Variants in TCERG1 observed in about 807,000 individuals in gnomAD.
TCERG1 encodes TATA box binding protein (TBP)-associated factor, RNA polymerase II, S, 150kD.
TCERG1 carries 37 observed loss-of-function variants against 144.7 expected under a neutral mutation model. The observed-to-expected ratio is 0.26, with a 90% CI of 0.20 to 0.34. TCERG1 has a LOEUF of 0.34. Among genes scored for constraint, TCERG1 ranks in the 10% least tolerant of loss-of-function variants. TCERG1 has a pLI of 1.00. For synonymous variants in TCERG1, 492 were observed against 458.2 expected, an observed-to-expected ratio of 1.07 and a Z score of -0.94; for missense variants, 1,027 against 1,380.7, an observed-to-expected ratio of 0.74 and a Z score of 4.06.
chr5:146,453,617 G>C (rs1274177151), intron 1 of TCERG1, among the ~76,000 whole-genome samples: 1 of 152,108 alleles, frequency 6.6e-6, no homozygotes, highest in Non-Finnish European at 1.5e-5. Context: ...CCTCCTGTTA[G>C]TACAGAATCC....
rs1761959928 is a variant in TCERG1 at position 146,447,485 on chromosome 5, A to G, written c.59+77A>G. On this transcript the variant is annotated intron_variant, in intron 1 of 22. Transcript: ENST00000679501. ...TAGACGCTAGACCTGCCATGTGGAG[A>G]TCCGGGGCGGACGGTGGGTAGCGGA... The G allele has an allele frequency of 2.7e-5, 42 of 1,535,940 alleles. No homozygotes were observed. The South Asian group carries it at 4.8e-4, about 17-fold the overall frequency.
chr5:146,495,356 C>T (rs1766792559), intron 16 of TCERG1, among the ~76,000 whole-genome samples: 1 of 152,128 alleles, frequency 6.6e-6, no homozygotes, highest in African/African-American at 2.4e-5. Flanking sequence ...TTGGGATGCC[C>T]AACCTGTAGT....
Position 146,489,789 on chromosome 5 carries a change from A to G in TCERG1, c.2164-3131A>G, listed in dbSNP as rs1051354649. 7.2e-5 allele frequency among the ~76,000 whole-genome samples: 11 copies of G among 152,310 alleles called. 1 individual carries two copies. The East Asian group carries it at 2.1e-3, about 29-fold the overall frequency. ...AAAATTTACTCATTTTCATTGTATTATGAAATTTTGTTCATGAGTTGAAGT... is the reference window on the plus strand; with the variant it reads ...AAAATTTACTCATTTTCATTGTATTGTGAAATTTTGTTCATGAGTTGAAGT... On this transcript the variant is annotated intron_variant, in intron 15 of 22. Transcript: ENST00000679501.
chr5:146,509,966 A>G, intron 22 of TCERG1: 2 of 1,080,930 alleles, frequency 1.9e-6, no homozygotes, highest in East Asian at 5.9e-5. Flanking sequence ...GTTTTTAGAT[A>G]TTTTGTCATT....
At position 146,454,900 on chromosome 5, in the gene TCERG1, T is replaced by C. The variant is rs578073242; in HGVS notation, c.60-156T>C. ...GATGTGAGCCACTGCACCCGGCCCA[T>C]TGATGTAGTTTTTATCATGACGGTT... On this transcript the variant is annotated intron_variant, in intron 1 of 22. Transcript: ENST00000679501. Among the ~76,000 whole-genome samples, 147 of 152,284 alleles carry C rather than the reference T, an allele frequency of 9.7e-4. 1 individual carries two copies. The highest frequency in any genetic ancestry group is 3.7e-4 in the Non-Finnish European group (25 of 68,024).
At chr5:146,472,662 A>ATTAGT (rs1764435666) in intron 9 of TCERG1, among the ~76,000 whole-genome samples, 2 of 150,624 alleles carry the variant, frequency 1.3e-5, no homozygotes, top group Admixed American at 1.3e-4. Context: ...AATGCCCTCA[A>ATTAGT]AGTGTTCAAG....
intron 9 of TCERG1, among the ~76,000 whole-genome samples, chr5:146,473,641 C>A (rs1280812368): frequency 6.6e-6 from 1 of 152,150 alleles, no homozygotes; most frequent in Non-Finnish European, 1.5e-5. Context: ...GAAGCCACTG[C>A]TCATTTACCA....
At position 146,477,718 on chromosome 5, in the gene TCERG1, G is replaced by A. The variant is rs1250610922; in HGVS notation, c.1602-775G>A. 1.6e-4 allele frequency among the ~76,000 whole-genome samples: 16 copies of A among 100,970 alleles called. No individual in the cohort carries two copies. The Admixed American group carries it at 1.9e-3, about 12-fold the overall frequency. 66.2% of individuals were successfully genotyped at this position (100,970 alleles called of 152,430 possible). Reference sequence around the variant, plus strand: ...TTTTTTTTTTTTTTTTTTTTTTTGAGACTGGGTCTCACTTTATTGCTCAGG... The same window carrying A: ...TTTTTTTTTTTTTTTTTTTTTTTGAAACTGGGTCTCACTTTATTGCTCAGG... On this transcript the variant is annotated intron_variant, in intron 9 of 22. Coordinates refer to ENST00000679501, the MANE Select transcript of TCERG1 (RefSeq NM_001382548.1).
intron 1 of TCERG1, among the ~76,000 whole-genome samples, chr5:146,454,167 C>CT (rs768473546): frequency 3.9e-4 from 59 of 151,316 alleles, no homozygotes; most frequent in Non-Finnish European, 6.8e-4. Flanking sequence ...TGCCACTGTA[C>CT]TCCAGCCTGG....
chr5:146,500,215 A>G (rs1399417812), intron 17 of TCERG1, among the ~76,000 whole-genome samples: 1 of 151,982 alleles, frequency 6.6e-6, no homozygotes, highest in East Asian at 1.9e-4. Context: ...AAGCTTTCTC[A>G]GCCAATTTAA....
At chr5:146,466,694 C>A (rs1763821005) in intron 5 of TCERG1, among the ~76,000 whole-genome samples, 1 of 152,156 alleles carries the variant, frequency 6.6e-6, no homozygotes, top group Non-Finnish European at 1.5e-5. Flanking sequence ...ATCTTTTTAG[C>A]ATGAGAAGAA....
intron 15 of TCERG1, among the ~76,000 whole-genome samples, chr5:146,489,731 G>A (rs1245587951): frequency 1.3e-5 from 2 of 152,102 alleles, no homozygotes; most frequent in Non-Finnish European, 2.9e-5. Context: ...TTTTGTTCAT[G>A]CCTATAAAAG....
intron 14 of TCERG1, among the ~76,000 whole-genome samples, chr5:146,483,115 G>A (rs969756361): frequency 6.6e-6 from 1 of 152,012 alleles, no homozygotes; most frequent in African/African-American, 2.4e-5. Flanking sequence ...ATTATTATTT[G>A]CAATTTAATT....
intron 4 of TCERG1, among the ~76,000 whole-genome samples, chr5:146,460,849 C>T (rs1487957509): frequency 6.6e-6 from 1 of 152,118 alleles, no homozygotes; most frequent in East Asian, 1.9e-4. Flanking sequence ...GTCATACTAG[C>T]TAGTCTGTTA....
At position 146,458,167 on chromosome 5, in the gene TCERG1, T is replaced by C. The variant is rs560879588; in HGVS notation, c.439-717T>C. Among the ~76,000 whole-genome samples the C allele has an allele frequency of 7.7e-4, 117 of 151,870 alleles. 1 individual carries two copies. Among genetic ancestry groups the C allele is most frequent in the Non-Finnish European group, 1.4e-3 (94 of 67,946 alleles). On this transcript the variant is annotated intron_variant, in intron 3 of 22. Coordinates refer to ENST00000679501, the MANE Select transcript of TCERG1 (RefSeq NM_001382548.1). The stretch of plus-strand genomic sequence containing the variant: ...TGCCTGGCCCTAAGTTATTTTATTT[T>C]ATTTTATTTTTTATTTTTTTATTTT...
At chr5:146,490,712 T>C (rs1248171358) in intron 15 of TCERG1, among the ~76,000 whole-genome samples, 1 of 152,194 alleles carries the variant, frequency 6.6e-6, no homozygotes, top group Non-Finnish European at 1.5e-5. Context: ...GGAAATTCTC[T>C]TGTGTTACTT....
At position 146,510,573 on chromosome 5, in the gene TCERG1, T is replaced by C. The variant is rs754733484; in HGVS notation, c.3279T>C (p.Asp1093=). The C allele has an allele frequency of 3.7e-6, 6 of 1,614,068 alleles. No individual in the cohort carries two copies. In the East Asian group the frequency reaches 1.1e-4, roughly 30 times the overall value. Residue 1093 remains aspartate (D), a synonymous_variant, in exon 23 of 23, where the codon GAT becomes GAC. Transcript: ENST00000679501. The part of the protein sequence containing the change: ...ERRKLIVAYV[D]DLDRRGPPPP... ...GTAAACTGATTGTGGCATATGTTGA[T>C]GACCTGGATCGCCGGGGTCCACCCC...
rs750482907 is a variant in TCERG1 at position 146,459,003 on chromosome 5, G to A, written c.558G>A (p.Gln186=). The A allele has an allele frequency of 6.2e-7, 1 of 1,613,196 alleles. No individual in the cohort carries two copies. The highest frequency in any genetic ancestry group is 1.3e-5 in the African/African-American group (1 of 74,938). Residue 186 remains glutamine (Q), a synonymous_variant, in exon 4 of 23, where the codon CAG becomes CAA. Transcript: ENST00000679501. Reference sequence around the variant, plus strand: ...CAGCCCAGGCACAGGTTCAGGCTCAGGCCCAGGCGCAGGCTCAGGCCCAGG... The same window carrying A: ...CAGCCCAGGCACAGGTTCAGGCTCAAGCCCAGGCGCAGGCTCAGGCCCAGG... ...MLAAQAQVQA[Q]AQAQAQAQAQ... is the part of the protein sequence containing the mutation.
intron 10 of TCERG1, among the ~76,000 whole-genome samples, chr5:146,479,371 T>C (rs968237369): frequency 3.9e-5 from 6 of 152,154 alleles, no homozygotes; most frequent in African/African-American, 1.4e-4. Flanking sequence ...ATATGCTGAA[T>C]TATAAGTAAT....
Sources: gnomAD v4.1 joint callset for allele counts (sites outside exome capture counted in the v4.1 genomes callset) on GRCh38, gnomAD v4.1.1 for gene constraint, MANE v1.5 for transcripts, NCBI Gene and HGNC (gene_info 2026-07-23, HGNC 2026-07-21) for gene names.